Variants in ANKRD36 observed in about 807,000 individuals in gnomAD.
ANKRD36 encodes the protein ankyrin repeat domain 36, also known as ankyrin repeat domain-containing protein 36A.
In ANKRD36, 179 loss-of-function variants were observed where a neutral mutation model predicts 278.1. That is an observed-to-expected ratio of 0.64 (90% CI 0.57 to 0.73). The LOEUF is 0.73. Among genes scored for constraint, ANKRD36 ranks in the 30% least tolerant of loss-of-function variants. ANKRD36 has a pLI of 0.00. For missense variants in ANKRD36, 1,159 were observed against 1,956.7 expected (o/e 0.59, Z 7.69); for synonymous variants, 320 against 641.1 (o/e 0.50, Z 7.57).
At chr2:97,160,798 A>G (rs935067735) in intron 17 of ANKRD36, among the ~76,000 whole-genome samples, 5 of 152,080 alleles carry the variant, frequency 3.3e-5, no homozygotes, top group African/African-American at 1.2e-4. Flanking sequence ...AAACATTCAT[A>G]CAAGTTAAAA....
chr2:97,196,531 A>G, intron 40 of ANKRD36, 62 bp from the exon 41 acceptor site: 1 of 1,597,758 alleles, frequency 6.3e-7, no homozygotes, highest in East Asian at 2.3e-5. Flanking sequence ...ACTCTGCTTG[A>G]ATGTATGGAT....
chr2:97,178,105 A>G (rs1042697047), intron 22 of ANKRD36, among the ~76,000 whole-genome samples: 6 of 150,950 alleles, frequency 4.0e-5, no homozygotes, highest in African/African-American at 4.9e-5. Context: ...CATCAGAGAA[A>G]TGCAAATCAA....
At chr2:97,209,534 T>C in intron 54 of ANKRD36, 147 bp from the exon 55 acceptor site, 1 of 1,516,816 alleles carries the variant, frequency 6.6e-7, no homozygotes, top group Non-Finnish European at 8.9e-7. Context: ...TTCTGTCATG[T>C]TCTGATCCCC....
At chr2:97,208,074 A>G (rs2063358223) in intron 54 of ANKRD36, 68 bp downstream of exon 54, 3 of 1,391,632 alleles carry the variant, frequency 2.2e-6, no homozygotes, top group Non-Finnish European at 2.9e-6. Flanking sequence ...TCCCTGAATA[A>G]ATCAGCGGGG....
chr2:97,220,775 A>ATTTTTTTTT (rs58512786), intron 66 of ANKRD36, among the ~76,000 whole-genome samples: 6 of 62,714 alleles, frequency 9.6e-5, no homozygotes, highest in African/African-American at 2.8e-4. Context: ...TTTTTTTTTA[A>ATTTTTTTTT]TTTTTTTTTT....
intron 54 of ANKRD36, among the ~76,000 whole-genome samples, chr2:97,209,403 C>T (rs1163390753): frequency 1.4e-5 from 2 of 146,638 alleles, no homozygotes; most frequent in Admixed American, 6.7e-5. Flanking sequence ...CCTCATCACT[C>T]GGCATATCCA....
intron 22 of ANKRD36, among the ~76,000 whole-genome samples, chr2:97,171,349 C>T (rs1575276034): frequency 6.8e-6 from 1 of 147,362 alleles, no homozygotes; most frequent in Non-Finnish European, 1.5e-5. Flanking sequence ...GGCACATATA[C>T]ACCATGGAAT....
chr2:97,197,162 A>C (rs377327283), intron 42 of ANKRD36, among the ~76,000 whole-genome samples: 756 of 151,864 alleles, frequency 5.0e-3, no homozygotes, highest in African/African-American at 0.017. Context: ...AAACAGACAG[A>C]AAACTTGTTG....
In ANKRD36 at chr2:97,190,871, A is replaced by C. The variant is rs2058366680; in HGVS notation, c.2246-107A>C. ...CAAAGTAGAAGACATCAGAGCCTAC[A>C]CTAGTACAGGCAGAAGGATACAGCT... On this transcript the variant is annotated intron_variant, in intron 34 of 75. Transcript: ENST00000420699. 2.0e-6 allele frequency: 3 copies of C among 1,494,486 alleles called. No individual in the cohort carries two copies. The South Asian group carries it at 3.6e-5, about 18-fold the overall frequency. The allele number at this position is 1,494,486 out of a possible 1,614,324, so 92.6% of individuals were successfully genotyped here.
At chr2:97,138,903 T>C (rs1477137370) in intron 6 of ANKRD36, among the ~76,000 whole-genome samples, 2 of 152,082 alleles carry the variant, frequency 1.3e-5, no homozygotes, top group African/African-American at 2.4e-5. Flanking sequence ...ACTGGACCCC[T>C]TCCTTACACT....
rs372336403 is a variant in ANKRD36, at chr2:97,200,358, T to C, written c.2780T>C (p.Leu927Ser). 1,253 of 1,605,730 alleles carry C rather than the reference T, an allele frequency of 7.8e-4. 8 individuals carry two copies. In the African/African-American group the frequency reaches 0.014, roughly 18 times the overall value. ...GTGTCTTCTCGGAAAAAACCATCCT[T>C]GGAGGTAATGAAACTCTCATTCATA... ...KRVSSRKKPSLEATSDEKDSF... is the reference protein window; with the variant it reads ...KRVSSRKKPSSEATSDEKDSF... The change falls in exon 45 of 76, where the codon TTG becomes TCG. Residue 927 changes from leucine (L) to serine (S), a missense_variant. Transcript: ENST00000420699.
intron 75 of ANKRD36, among the ~76,000 whole-genome samples, chr2:97,252,669 T>C (rs2075977910): frequency 7.0e-6 from 1 of 142,464 alleles, no homozygotes. Context: ...AGTTTCTCCC[T>C]GTTAGCCAGG....
At chr2:97,242,157 G>A (rs1317412766) in intron 69 of ANKRD36, among the ~76,000 whole-genome samples, 1 of 151,088 alleles carries the variant, frequency 6.6e-6, no homozygotes, top group Non-Finnish European at 1.5e-5. Flanking sequence ...CAGGTATGGT[G>A]GTTGTACCTG....
intron 51 of ANKRD36, 43 bp from the exon 52 acceptor site, chr2:97,206,014 TATGAAA>T (rs2062753985): frequency 6.5e-7 from 1 of 1,543,852 alleles, no homozygotes; most frequent in African/African-American, 1.4e-5. Flanking sequence ...ATATATGGTC[TATGAAA>T]CATACTTTAT....
intron 75 of ANKRD36, among the ~76,000 whole-genome samples, chr2:97,254,791 G>GAAATAAA (rs1413634070): frequency 0.031 from 4,077 of 131,480 alleles, 1,140 homozygotes; most frequent in African/African-American, 0.12. Flanking sequence ...TTTCCATTTT[G>GAAATAAA]TTTAGCAAAT....
intron 22 of ANKRD36, among the ~76,000 whole-genome samples, chr2:97,176,409 G>A (rs2153530542): frequency 7.0e-6 from 1 of 143,220 alleles, no homozygotes; most frequent in Non-Finnish European, 1.6e-5. Context: ...GATCTTTGTT[G>A]GTTAAAAGTC....
At chr2:97,187,651 G>A (rs1459722075) in intron 32 of ANKRD36, among the ~76,000 whole-genome samples, 1 of 151,718 alleles carries the variant, frequency 6.6e-6, no homozygotes, top group Non-Finnish European at 1.5e-5. Context: ...TATGGAGAGA[G>A]GTTCAAGACA....
At chr2:97,173,876 G>GT (rs886590740) in intron 22 of ANKRD36, among the ~76,000 whole-genome samples, 4 of 149,780 alleles carry the variant, frequency 2.7e-5, no homozygotes, top group Admixed American at 6.7e-5. Context: ...TTGTTTTTTG[G>GT]TTTTTTTTTG....
intron 1 of ANKRD36, among the ~76,000 whole-genome samples, chr2:97,115,307 T>G (rs2034948878): frequency 6.6e-6 from 1 of 151,776 alleles, no homozygotes; most frequent in Admixed American, 6.6e-5. Context: ...ATGCACAAAA[T>G]AAGAAAGATA....
Sources: gnomAD v4.1 joint callset for allele counts (sites outside exome capture counted in the v4.1 genomes callset) on GRCh38, gnomAD v4.1.1 for gene constraint, MANE v1.5 for transcripts, NCBI Gene and HGNC (gene_info 2026-07-23, HGNC 2026-07-21) for gene names.